ZNF875: variants seen among roughly 807,000 people sequenced by gnomAD.
ZNF875 encodes the protein zinc finger protein 875.
Under a neutral mutation model 11.2 loss-of-function variants are expected in ZNF875, and 14 were observed. The observed-to-expected ratio is 1.26, with a 90% CI of 0.83 to 1.96. The LOEUF is 1.96. ZNF875 is among the 30% of genes most tolerant of loss of function. The probability of loss-of-function intolerance (pLI) is 0.00; values close to 1 mark genes in which losing one functional copy is unlikely to be tolerated. For synonymous variants in ZNF875, 301 were observed against 281.1 expected, an observed-to-expected ratio of 1.07 and a Z score of -0.71; for missense variants, 752 against 760.4, an observed-to-expected ratio of 0.99 and a Z score of 0.13.
At chr19:37,332,555 T>C (rs1254457145), upstream of ZNF875, among the ~76,000 whole-genome samples, 4 of 152,314 alleles carry the variant, frequency 2.6e-5, no homozygotes, top group South Asian at 2.1e-4. Context: ...TAAGCTGATA[T>C]ATTTGGAACT....
intron 2 of ZNF875, chr19:37,346,911 T>A: frequency 3.2e-6 from 1 of 310,644 alleles, no homozygotes; most frequent in Non-Finnish European, 6.2e-6. Context: ...TTGCCCAGGC[T>A]GGAGTGCAAT....
chr19:37,348,720 C>G (rs1255460281), intron 4 of ZNF875, among the ~76,000 whole-genome samples: 5 of 151,958 alleles, frequency 3.3e-5, no homozygotes, highest in Non-Finnish European at 5.9e-5. Flanking sequence ...TTCTTTTGAC[C>G]CACTAAAGAA....
At chr19:37,344,911 C>T (rs1600089389) in intron 2 of ZNF875, 1 of 666,838 alleles carries the variant, frequency 1.5e-6, no homozygotes, top group East Asian at 2.8e-5. Flanking sequence ...AGGCAGATAC[C>T]TGAATAGCCT....
chr19:37,329,184 T>G (rs1239006863), intron 4 of ZNF875: 1 of 152,200 alleles, frequency 6.6e-6, no homozygotes, highest in Non-Finnish European at 1.5e-5. Context: ...CCCTGGATCC[T>G]CCTGGAATCC....
intron 2 of ZNF875, among the ~76,000 whole-genome samples, chr19:37,345,388 A>G (rs2036574612): frequency 6.6e-6 from 1 of 152,176 alleles, no homozygotes; most frequent in South Asian, 2.1e-4. Context: ...CAGCCAGTGT[A>G]GAATAGTGGA....
chr19:37,340,642 T>C (rs1158856396), intron 2 of ZNF875, among the ~76,000 whole-genome samples: 3 of 143,270 alleles, frequency 2.1e-5, no homozygotes, highest in Non-Finnish European at 4.5e-5. Flanking sequence ...ATCTTATGTG[T>C]ACTTTTTTTT....
intron 4 of ZNF875, among the ~76,000 whole-genome samples, chr19:37,349,935 G>T (rs1018575950): frequency 6.7e-6 from 1 of 150,224 alleles, no homozygotes; most frequent in East Asian, 2.0e-4. Context: ...GATTACAGAC[G>T]TGAGCCACCA....
chr19:37,330,567 CTGTT>C (rs2033217820), upstream of ZNF875, among the ~76,000 whole-genome samples: 1 of 152,144 alleles, frequency 6.6e-6, no homozygotes, highest in Admixed American at 6.5e-5. Context: ...CTCTCATTTC[CTGTT>C]ATTCTGTTGG....
At chr19:37,343,243 G>A (rs1381633772) in intron 2 of ZNF875, among the ~76,000 whole-genome samples, 1 of 151,842 alleles carries the variant, frequency 6.6e-6, no homozygotes, top group South Asian at 2.1e-4. Context: ...AGGCTGAGGC[G>A]GGAGCAGGAG....
chr19:37,324,621 C>T (rs2032097885), intron 4 of ZNF875, among the ~76,000 whole-genome samples: 1 of 152,170 alleles, frequency 6.6e-6, no homozygotes, highest in African/African-American at 2.4e-5. Flanking sequence ...TATTCTACCC[C>T]TAACATTAAA....
intron 2 of ZNF875, among the ~76,000 whole-genome samples, chr19:37,336,989 G>C (rs1250244498): frequency 6.6e-6 from 1 of 152,160 alleles, no homozygotes; most frequent in Non-Finnish European, 1.5e-5. Flanking sequence ...TTTCGATATA[G>C]TCTGACCTGA....
intron 4 of ZNF875, among the ~76,000 whole-genome samples, chr19:37,325,430 T>C (rs1434886261): frequency 6.6e-6 from 1 of 152,208 alleles, no homozygotes; most frequent in Non-Finnish European, 1.5e-5. Context: ...TAGTAGTCAC[T>C]TTAGAAAAGT....
chr19:37,324,039 A>T (rs1333172138), intron 3 of ZNF875, among the ~76,000 whole-genome samples: 1 of 152,120 alleles, frequency 6.6e-6, no homozygotes, highest in Non-Finnish European at 1.5e-5. Context: ...AACAGTTTAA[A>T]ATTGTTGAGC....
chr19:37,358,138 T>A, intron 4 of ZNF875: 2 of 333,076 alleles, frequency 6.0e-6, no homozygotes, highest in Non-Finnish European at 1.1e-5. Flanking sequence ...ATGATCTTTT[T>A]TTTTTTTTTT....
intron 4 of ZNF875, among the ~76,000 whole-genome samples, chr19:37,352,784 T>C (rs1195352960): frequency 6.6e-6 from 1 of 152,138 alleles, no homozygotes; most frequent in Non-Finnish European, 1.5e-5. Context: ...GATTTTTCTT[T>C]GTTTTCTCCA....
In ZNF875 at chr19:37,335,308, T is replaced by A. The variant is rs761912308; in HGVS notation, c.33+51T>A. On this transcript the variant is annotated intron_variant, in intron 2 of 4. Transcript: ENST00000392153. ...TGGCTGTCAACAGAATGGGTCCCATTACCTTTTCTTGTCCTGGAGGCTGCC... is the reference window on the plus strand; with the variant it reads ...TGGCTGTCAACAGAATGGGTCCCATAACCTTTTCTTGTCCTGGAGGCTGCC... 6.0e-6 allele frequency: 4 copies of A among 670,906 alleles called. No individual in the cohort carries two copies. In the East Asian group the frequency reaches 1.1e-4, roughly 18 times the overall value. The allele number at this position is 670,906 out of a possible 1,614,324, so 41.6% of individuals were successfully genotyped here. A position where few individuals can be genotyped will look rare whatever the true frequency, so the allele number is the denominator to read the frequency against.
At chr19:37,361,905 A>C in intron 4 of ZNF875, 1 of 531,110 alleles carries the variant, frequency 1.9e-6, no homozygotes, top group Admixed American at 3.8e-5. Context: ...TGAAAGAAAG[A>C]CTCCGTTTAA....
chr19:37,358,269 C>G (rs2039287431), intron 4 of ZNF875, among the ~76,000 whole-genome samples: 1 of 148,154 alleles, frequency 6.7e-6, no homozygotes, highest in African/African-American at 2.5e-5. Context: ...CTCAGCCTCT[C>G]TGAGTAGCTG....
At chr19:37,336,345 G>A (rs2034410899) in intron 2 of ZNF875, among the ~76,000 whole-genome samples, 1 of 149,416 alleles carries the variant, frequency 6.7e-6, no homozygotes, top group East Asian at 2.0e-4. Flanking sequence ...TGTCATCCAG[G>A]CTGGAGTGCA....
Sources: allele counts gnomAD v4.1 joint callset (sites outside exome capture counted in the v4.1 genomes callset), GRCh38; gene constraint gnomAD v4.1.1; transcripts MANE v1.5; gene names NCBI Gene and HGNC (gene_info 2026-07-23, HGNC 2026-07-21).